Variants in SLC16A10 observed in about 807,000 individuals in gnomAD.
The protein encoded by SLC16A10 is solute carrier family 16 member 10, also known as monocarboxylate transporter 10.
In SLC16A10, 27 loss-of-function variants were observed where a neutral mutation model predicts 40.0. That is an observed-to-expected ratio of 0.67 (90% CI 0.50 to 0.93). The LOEUF (loss-of-function observed/expected upper bound fraction) is 0.93, where lower values mean the gene tolerates loss of function less well. Among genes scored for constraint, SLC16A10 ranks in the 40% least tolerant of loss-of-function variants. The pLI is 0.00. For synonymous variants in SLC16A10, 213 were observed against 249.8 expected (o/e 0.85, Z 1.39); for missense variants, 529 against 658.2 (o/e 0.80, Z 2.15).
chr6:111,142,223 A>G (rs1356616134), intron 1 of SLC16A10, among the ~76,000 whole-genome samples: 1 of 152,182 alleles, frequency 6.6e-6, no homozygotes, highest in African/African-American at 2.4e-5. Context: ...CCAGACAAAT[A>G]CAGTTAATCT....
At chr6:111,102,390 T>A (rs887236118) in intron 1 of SLC16A10, among the ~76,000 whole-genome samples, 8 of 152,234 alleles carry the variant, frequency 5.3e-5, no homozygotes, top group Admixed American at 3.3e-4. Context: ...TGATATTTTT[T>A]AAAAGTAGTT....
chr6:111,173,205 G>A lies in SLC16A10; in HGVS notation c.488+366G>A, dbSNP rs532643712. The stretch of plus-strand genomic sequence containing the variant: ...TAGTTTAGGGTCAGTTCAGTCTGAG[G>A]CCCACGGGTTACAATAAGTGGTGTT... On this transcript the variant is annotated intron_variant, in intron 2 of 5. Transcript: ENST00000368851. 3.3e-5 allele frequency among the ~76,000 whole-genome samples: 5 copies of A among 152,216 alleles called. No individual in the cohort carries two copies. In the South Asian group the frequency reaches 1.0e-3, roughly 32 times the overall value.
chr6:111,190,814 G>T (rs1021961638), intron 3 of SLC16A10, among the ~76,000 whole-genome samples: 2 of 152,134 alleles, frequency 1.3e-5, no homozygotes, highest in African/African-American at 4.8e-5. Context: ...GGGACTCTGG[G>T]CCTGGCCCAT....
At position 111,223,309 on chromosome 6, in the gene SLC16A10, G is replaced by A. The variant is rs563028141; in HGVS notation, c.*1074G>A. ...TTCCAGAACTTTCTGGCAAAAATTTGCACTCATATTATTTATCCTATGAAC... is the reference window on the plus strand; with the variant it reads ...TTCCAGAACTTTCTGGCAAAAATTTACACTCATATTATTTATCCTATGAAC... On this transcript the variant is annotated 3_prime_UTR_variant, in exon 6 of 6. Coordinates refer to ENST00000368851, the MANE Select transcript of SLC16A10 (RefSeq NM_018593.5). 2.6e-5 allele frequency: 4 copies of A among 152,114 alleles called. No homozygotes were observed. In the East Asian group the frequency reaches 7.7e-4, roughly 29 times the overall value. 9.4% of individuals were successfully genotyped at this position (152,114 alleles called of 1,614,324 possible).
intron 1 of SLC16A10, among the ~76,000 whole-genome samples, chr6:111,161,811 G>A (rs908789298): frequency 1.2e-4 from 19 of 152,254 alleles, no homozygotes; most frequent in African/African-American, 4.6e-4. Flanking sequence ...AATGAGGCTC[G>A]GCTTTGGTCA....
chr6:111,125,637 C>T (rs1390848265), intron 1 of SLC16A10, among the ~76,000 whole-genome samples: 1 of 152,158 alleles, frequency 6.6e-6, no homozygotes, highest in African/African-American at 2.4e-5. Context: ...TCCTTTACAA[C>T]TCTCTTTATT....
chr6:111,220,927 G>A (rs74679890), intron 5 of SLC16A10, among the ~76,000 whole-genome samples: 3 of 152,354 alleles, frequency 2.0e-5, no homozygotes, highest in Non-Finnish European at 4.4e-5. Flanking sequence ...ATAATCATGA[G>A]TGTTCATAAG....
chr6:111,182,325 TTTTTTTTC>T lies in SLC16A10; in HGVS notation c.942+4661_942+4668del, dbSNP rs1302079089. 2.9e-4 allele frequency among the ~76,000 whole-genome samples: 41 copies of T among 143,248 alleles called. 1 individual carries two copies. Among genetic ancestry groups the T allele is most frequent in the African/African-American group, 7.5e-4 (29 of 38,790 alleles). 94.0% of individuals were successfully genotyped at this position (143,248 alleles called of 152,430 possible). A position where few individuals can be genotyped will look rare whatever the true frequency, so the allele number is the denominator to read the frequency against. On this transcript the variant is annotated intron_variant, in intron 3 of 5. Transcript: ENST00000368851. ...CTCTGGGTTTCTTTTTTTTTTTTTTTTTTTTTTCCTTTTTAACGGCTCCTCTGACTCCT... is the reference window on the plus strand; with the variant it reads ...CTCTGGGTTTCTTTTTTTTTTTTTTTCTTTTTAACGGCTCCTCTGACTCCT...
At chr6:111,140,768 A>G (rs1462142716) in intron 1 of SLC16A10, among the ~76,000 whole-genome samples, 18 of 152,180 alleles carry the variant, frequency 1.2e-4, no homozygotes, top group Admixed American at 1.2e-3. Context: ...ATCAAAGATG[A>G]TAGAATTTAA....
chr6:111,190,818 G>A (rs1772977853), intron 3 of SLC16A10, among the ~76,000 whole-genome samples: 1 of 152,194 alleles, frequency 6.6e-6, no homozygotes, highest in Admixed American at 6.5e-5. Flanking sequence ...CTCTGGGCCT[G>A]GCCCATGAAA....
intron 1 of SLC16A10, among the ~76,000 whole-genome samples, chr6:111,128,479 C>A (rs773370985): frequency 6.6e-6 from 1 of 152,266 alleles, no homozygotes; most frequent in African/African-American, 2.4e-5. Flanking sequence ...GAAGAGGGAG[C>A]GGTGCTCTTC....
chr6:111,204,150 A>T (rs751536190), intron 3 of SLC16A10, among the ~76,000 whole-genome samples: 17 of 152,282 alleles, frequency 1.1e-4, no homozygotes, highest in Non-Finnish European at 2.2e-4. Context: ...GTGAGGAGTG[A>T]AAGGAATGGA....
chr6:111,185,534 A>C (rs1772879991), intron 3 of SLC16A10, among the ~76,000 whole-genome samples: 1 of 152,192 alleles, frequency 6.6e-6, no homozygotes, highest in African/African-American at 2.4e-5. Flanking sequence ...TTCAGCCCCA[A>C]CTTCTCTTTT....
At chr6:111,102,966 C>CA (rs1771215487) in intron 1 of SLC16A10, among the ~76,000 whole-genome samples, 2 of 152,132 alleles carry the variant, frequency 1.3e-5, no homozygotes. Flanking sequence ...CATACGGTTG[C>CA]ACGCTCATGG....
At chr6:111,201,182 G>A (rs1015400585) in intron 3 of SLC16A10, among the ~76,000 whole-genome samples, 1 of 152,150 alleles carries the variant, frequency 6.6e-6, no homozygotes, top group Non-Finnish European at 1.5e-5. Flanking sequence ...TGATGAGGAA[G>A]GACAGAGATG....
chr6:111,109,721 G>A (rs994138993), intron 1 of SLC16A10, among the ~76,000 whole-genome samples: 1 of 151,902 alleles, frequency 6.6e-6, no homozygotes, highest in Admixed American at 6.6e-5. Context: ...CAAAGTGTTG[G>A]GGTTACAAGT....
rs921185970 is a variant in SLC16A10 at position 111,163,239 on chromosome 6, G to A, written c.344-9456G>A. ...GGGATCTCGGCTCACTGCAAGCTCC[G>A]CCTCCCGGGTTCACACCATTCTCCT... On this transcript the variant is annotated intron_variant, in intron 1 of 5. Coordinates refer to ENST00000368851, the MANE Select transcript of SLC16A10 (RefSeq NM_018593.5). 6.7e-4 allele frequency among the ~76,000 whole-genome samples: 90 copies of A among 134,330 alleles called. 1 individual carries two copies. The highest frequency in any genetic ancestry group is 2.0e-3 in the African/African-American group (73 of 35,676). The allele number at this position is 134,330 out of a possible 152,430, so 88.1% of individuals were successfully genotyped here. A position where few individuals can be genotyped will look rare whatever the true frequency, so the allele number is the denominator to read the frequency against.
At position 111,212,827 on chromosome 6, in the gene SLC16A10, A is replaced by C. The variant is rs1773366187; in HGVS notation, c.1087-5987A>C. Among the ~76,000 whole-genome samples the C allele has an allele frequency of 3.3e-5, 5 of 152,172 alleles. No individual in the cohort carries two copies. In the South Asian group the frequency reaches 8.3e-4, roughly 25 times the overall value. On this transcript the variant is annotated intron_variant, in intron 4 of 5. Coordinates refer to ENST00000368851, the MANE Select transcript of SLC16A10 (RefSeq NM_018593.5). ...AAAAAATAAAAAAAAATGCTGAGTC[A>C]AGTCTACTGCTCCTGCCAGAAGAGA...
chr6:111,134,879 C>G (rs924813622), intron 1 of SLC16A10, among the ~76,000 whole-genome samples: 4 of 152,134 alleles, frequency 2.6e-5, no homozygotes, highest in Non-Finnish European at 5.9e-5. Context: ...CTCACAGAGC[C>G]CTGGGTATGC....
Sources: allele counts gnomAD v4.1 joint callset (sites outside exome capture counted in the v4.1 genomes callset), GRCh38; gene constraint gnomAD v4.1.1; transcripts MANE v1.5; gene names NCBI Gene and HGNC (gene_info 2026-07-23, HGNC 2026-07-21).